The following IMPG1 variants were observed in gnomAD, a reference collection of about 807,000 sequenced individuals.
IMPG1 encodes the protein interphotoreceptor matrix proteoglycan of 150 kDa.
A neutral mutation model predicts 92.0 loss-of-function variants in IMPG1; 85 were observed. The ratio of observed to expected loss-of-function variants is 0.92; its 90% CI spans 0.78 to 1.11. IMPG1 has a LOEUF of 1.11. Ranked by LOEUF, IMPG1 falls within the 50% of genes least tolerant of loss-of-function variation. The pLI is 0.00. For missense variants in IMPG1, 1,022 were observed against 956.0 expected (o/e 1.07, Z -0.91); for synonymous variants, 367 against 334.1 (o/e 1.10, Z -1.08).
At chr6:75,959,441 G>A (rs1202034705) in intron 12 of IMPG1, among the ~76,000 whole-genome samples, 2 of 152,250 alleles carry the variant, frequency 1.3e-5, no homozygotes, top group African/African-American at 2.4e-5. Flanking sequence ...AGGCAGAAAC[G>A]TTTAAGTCTG....
At chr6:75,964,123 A>G (rs988503231) in intron 12 of IMPG1, among the ~76,000 whole-genome samples, 9 of 152,202 alleles carry the variant, frequency 5.9e-5, no homozygotes, top group Non-Finnish European at 1.3e-4. Flanking sequence ...GGCTGTATGC[A>G]TGCTCCGTAA....
At chr6:75,952,398 T>C (rs1284536326) in intron 12 of IMPG1, among the ~76,000 whole-genome samples, 1 of 152,180 alleles carries the variant, frequency 6.6e-6, no homozygotes, top group Non-Finnish European at 1.5e-5. Context: ...CTCCAAGTGA[T>C]AAACAGCTCT....
intron 15 of IMPG1, among the ~76,000 whole-genome samples, chr6:75,926,045 T>C (rs1781544023): frequency 6.6e-6 from 1 of 152,110 alleles, no homozygotes; most frequent in Admixed American, 6.5e-5. Flanking sequence ...GCATTTTCGG[T>C]TCCTATTTGT....
At chr6:76,064,360 ATTTTTTTTTCT>A (rs1170581798) in intron 1 of IMPG1, among the ~76,000 whole-genome samples, 1 of 104,902 alleles carries the variant, frequency 9.5e-6, no homozygotes, top group Admixed American at 1.1e-4. Context: ...TGGGGCAACC[ATTTTTTTTTCT>A]TTTTTTTTTT....
At chr6:76,040,554 A>T (rs1783817627) in intron 2 of IMPG1, among the ~76,000 whole-genome samples, 1 of 152,200 alleles carries the variant, frequency 6.6e-6, no homozygotes, top group African/African-American at 2.4e-5. Context: ...ACCAACAAGC[A>T]TTGGCTAGTA....
intron 12 of IMPG1, among the ~76,000 whole-genome samples, chr6:75,977,341 A>G (rs1782555422): frequency 6.6e-6 from 1 of 152,062 alleles, no homozygotes; most frequent in African/African-American, 2.4e-5. Flanking sequence ...TAATCCCAGC[A>G]CTTTAGGAGG....
At position 76,005,158 on chromosome 6, in the gene IMPG1, T is replaced by C. The variant is rs1252273586; in HGVS notation, c.1135+129A>G. The C allele has an allele frequency of 3.4e-6, 3 of 870,184 alleles. No homozygotes were observed. In the Admixed American group the frequency reaches 6.8e-5, roughly 20 times the overall value. The allele number at this position is 870,184 out of a possible 1,614,324, so 53.9% of individuals were successfully genotyped here. A position where few individuals can be genotyped will look rare whatever the true frequency, so the allele number is the denominator to read the frequency against. Reference sequence around the variant, plus strand: ...GAGAAAAGCTAGAAATGATACCATATGTATTCCTGTCACAGTAATGATCGA... The same window carrying C: ...GAGAAAAGCTAGAAATGATACCATACGTATTCCTGTCACAGTAATGATCGA... On this transcript the variant is annotated intron_variant, in intron 10 of 16. Coordinates refer to ENST00000369950, the MANE Select transcript of IMPG1 (RefSeq NM_001563.4).
At chr6:75,957,435 C>G (rs191487933) in intron 12 of IMPG1, among the ~76,000 whole-genome samples, 5 of 152,294 alleles carry the variant, frequency 3.3e-5, no homozygotes, top group Admixed American at 2.6e-4. Flanking sequence ...CCGCTTGACC[C>G]AGAGCTGAGT....
At chr6:75,989,803 A>C (rs1782784663) in intron 12 of IMPG1, among the ~76,000 whole-genome samples, 1 of 152,224 alleles carries the variant, frequency 6.6e-6, no homozygotes, top group Non-Finnish European at 1.5e-5. Context: ...AGATCGCTCC[A>C]CTGTACTCCA....
At chr6:76,023,114 T>C (rs1023874990) in intron 5 of IMPG1, among the ~76,000 whole-genome samples, 1 of 152,156 alleles carries the variant, frequency 6.6e-6, no homozygotes, top group African/African-American at 2.4e-5. Flanking sequence ...TGCTTCCTAG[T>C]GGGGGCGTGA....
rs761693136 is a variant in IMPG1 at position 75,947,377 on chromosome 6, G to A, written c.1981C>T (p.Arg661Cys). Residue 661 changes from arginine to cysteine, a missense_variant, in exon 14 of 17, where the codon CGT becomes TGT. By Grantham distance (180) the Arg-to-Cys change is radical (BLOSUM62 -3). Coordinates refer to ENST00000369950, the MANE Select transcript of IMPG1 (RefSeq NM_001563.4). ...TGGAGTTGTTGGGCTGCAGCAGAAC[G>A]AAAATCCTCCAAGACCCCGTGCACA... Reference protein sequence around the residue: ...KAVHGVLEDFRSAAAQQLHLE... With the variant: ...KAVHGVLEDFCSAAAQQLHLE... 2.8e-5 allele frequency: 45 copies of A among 1,613,826 alleles called. No homozygotes were observed. Among genetic ancestry groups the A allele is most frequent in the South Asian group, 2.4e-4 (22 of 91,084 alleles).
intron 14 of IMPG1, chr6:75,935,145 T>C: frequency 2.4e-6 from 1 of 412,816 alleles, no homozygotes; most frequent in Non-Finnish European, 5.1e-6. Context: ...GAATGACATT[T>C]TAAGCACCCC....
At chr6:76,033,222 C>T (rs963995828) in intron 4 of IMPG1, among the ~76,000 whole-genome samples, 5 of 152,166 alleles carry the variant, frequency 3.3e-5, no homozygotes, top group African/African-American at 1.2e-4. Flanking sequence ...GCCTTAAAGA[C>T]TCTGCAGGTG....
intron 15 of IMPG1, among the ~76,000 whole-genome samples, chr6:75,924,120 A>T (rs1412187769): frequency 4.6e-5 from 7 of 151,924 alleles, no homozygotes; most frequent in African/African-American, 1.7e-4. Flanking sequence ...TGTGGAGAAA[A>T]GGGAACCTTT....
chr6:76,056,437 C>T (rs1349820714), intron 1 of IMPG1, among the ~76,000 whole-genome samples: 1 of 152,028 alleles, frequency 6.6e-6, no homozygotes, highest in East Asian at 1.9e-4. Flanking sequence ...TGAAAATAGT[C>T]GATGGATATT....
intron 12 of IMPG1, among the ~76,000 whole-genome samples, chr6:75,990,303 G>A (rs140588136): frequency 6.6e-6 from 1 of 152,220 alleles, no homozygotes; most frequent in East Asian, 1.9e-4. Context: ...ACAGAGAACG[G>A]GCCAACTAGC....
chr6:75,963,419 T>A (rs1782241146), intron 12 of IMPG1, among the ~76,000 whole-genome samples: 1 of 151,756 alleles, frequency 6.6e-6, no homozygotes. Context: ...GTATTTGTCA[T>A]GATTTTGTTA....
intron 8 of IMPG1, among the ~76,000 whole-genome samples, chr6:76,007,973 G>A (rs573794065): frequency 6.6e-6 from 1 of 152,274 alleles, no homozygotes; most frequent in South Asian, 2.1e-4. Flanking sequence ...CCGTGGAACT[G>A]GTGTTTTCTT....
At chr6:76,061,785 A>G (rs1784211024) in intron 1 of IMPG1, among the ~76,000 whole-genome samples, 1 of 152,238 alleles carries the variant, frequency 6.6e-6, no homozygotes, top group African/African-American at 2.4e-5. Context: ...GTAAGAACAT[A>G]AAAGCAGTGA....
Sources: allele counts gnomAD v4.1 joint callset (sites outside exome capture counted in the v4.1 genomes callset), GRCh38; gene constraint gnomAD v4.1.1; transcripts MANE v1.5; gene names NCBI Gene and HGNC (gene_info 2026-07-23, HGNC 2026-07-21).